PTGS2: variants seen among roughly 807,000 people sequenced by gnomAD.
PTGS2 encodes prostaglandin G/H synthase 2.
A neutral mutation model predicts 63.8 loss-of-function variants in PTGS2; 14 were observed. The ratio of observed to expected loss-of-function variants is 0.22; its 90% confidence interval spans 0.14 to 0.34. The LOEUF is 0.34. PTGS2 is among the 10% of genes least tolerant of loss of function. PTGS2 has a pLI of 1.00. For missense variants in PTGS2, 533 were observed against 738.5 expected, an observed-to-expected ratio of 0.72 and a Z score of 3.23; for synonymous variants, 271 against 259.5, an observed-to-expected ratio of 1.04 and a Z score of -0.43.
At chr1:186,678,945 C>A in intron 3 of PTGS2, 113 bp downstream of exon 3, 1 of 1,318,438 alleles carries the variant, frequency 7.6e-7, no homozygotes, top group Non-Finnish European at 1.0e-6. Flanking sequence ...TAAAAGCTAT[C>A]TTAAAGTCTT....
rs538414051 is a variant in PTGS2, at chr1:186,676,901, T to C, written c.655A>G (p.Ile219Val). 1.9e-6 allele frequency: 3 copies of C among 1,605,588 alleles called. No homozygotes were observed. Among genetic ancestry groups the C allele is most frequent in the Admixed American group, 1.7e-5 (1 of 59,388 alleles). The change falls in exon 6 of 10, where the codon ATT (isoleucine) becomes GTT (valine). Residue 219 changes from isoleucine (I) to valine (V), a missense_variant. Around this residue, in one of 5 missense-constraint regions of PTGS2, gnomAD observed 118 missense variants for 138.7 expected, o/e 0.85. Transcript: ENST00000367468. ...GLGHGVDLNH[I>V]YGETLARQRK... The stretch of plus-strand genomic sequence containing the variant: ...TGTCTAGCCAGAGTTTCACCGTAAA[T>C]ATGATTTAAGTCCACCTAGAAAATG...
chr1:186,677,529 C>A, intron 5 of PTGS2, 120 bp downstream of exon 5: 2 of 1,116,620 alleles, frequency 1.8e-6, no homozygotes, highest in Non-Finnish European at 2.4e-6. Flanking sequence ...GATAAGACTT[C>A]TTTTTAAAAA....
At chr1:186,680,163 A>T in intron 1 of PTGS2, 76 bp downstream of exon 1, 4 of 1,547,512 alleles carry the variant, frequency 2.6e-6, no homozygotes, top group Non-Finnish European at 3.5e-6. Flanking sequence ...ACTGGGATAG[A>T]CCCAGGAGGT....
chr1:186,675,367 T>C lies in PTGS2; in HGVS notation c.1287A>G (p.Ala429=), dbSNP rs762760717. The part of the protein sequence containing the change: ...RVAGGRNVPP[A]VQKVSQASID... ...TGGAAGCCTGTGATACTTTCTGTAC[T>C]GCGGGTGGAACATTCCTACCACCAG... Residue 429 remains alanine, a synonymous_variant, in exon 9 of 10, where the codon GCA becomes GCG. Coordinates refer to ENST00000367468, the MANE Select transcript of PTGS2 (RefSeq NM_000963.4). 6 of 1,613,478 alleles carry C rather than the reference T, an allele frequency of 3.7e-6. No homozygotes were observed. The East Asian group carries it at 6.7e-5, about 18-fold the overall frequency.
rs535118585 is a variant in PTGS2, at chr1:186,675,547, G to A, written c.1258-151C>T. On this transcript the variant is annotated intron_variant, in intron 8 of 9. Coordinates refer to ENST00000367468, the MANE Select transcript of PTGS2 (RefSeq NM_000963.4). ...AAAGATGCTTACCTACATTTCAACA[G>A]GAGCTCTGCTTAAAATTCAATGGGA... The A allele has an allele frequency of 1.4e-4, 127 of 917,476 alleles. No homozygotes were observed. The South Asian group carries it at 2.2e-3, about 16-fold the overall frequency. The allele number at this position is 917,476 out of a possible 1,614,324, so 56.8% of individuals were successfully genotyped here.
In PTGS2 at chr1:186,676,628, C is replaced by T. The variant is rs756699181; in HGVS notation, c.809G>A (p.Arg270Gln). ...IYPPQVPEHLRFAVGQEVFGL... is the reference protein window; with the variant it reads ...IYPPQVPEHLQFAVGQEVFGL... ...AAAGACCTCCTGCCCCACAGCAAAC[C>T]GTAGATGCTCAGGGACTTGAGGAGG... Residue 270 changes from arginine to glutamine, a missense_variant, in exon 7 of 10, where the codon CGG becomes CAG. Transcript: ENST00000367468. 2.9e-5 allele frequency: 47 copies of T among 1,613,994 alleles called. No individual in the cohort carries two copies. Among genetic ancestry groups the T allele is most frequent in the Admixed American group, 6.7e-5 (4 of 59,992 alleles).
intron 7 of PTGS2, 65 bp downstream of exon 7, chr1:186,676,402 A>C: frequency 6.4e-7 from 1 of 1,571,284 alleles, no homozygotes; most frequent in Non-Finnish European, 8.7e-7. Context: ...CTCAAAACAT[A>C]ACAAAGATAG....
chr1:186,675,365 A>G lies in PTGS2; in HGVS notation c.1289T>C (p.Val430Ala). 1.9e-6 allele frequency: 3 copies of G among 1,613,818 alleles called. No individual in the cohort carries two copies. The highest frequency in any genetic ancestry group is 2.5e-6 in the Non-Finnish European group (3 of 1,179,956). Residue 430 changes from valine (V) to alanine (A), a missense_variant, in exon 9 of 10, where the codon GTA becomes GCA. Coordinates refer to ENST00000367468, the MANE Select transcript of PTGS2 (RefSeq NM_000963.4). ...VAGGRNVPPA[V>A]QKVSQASIDQ... ...AATGGAAGCCTGTGATACTTTCTGTACTGCGGGTGGAACATTCCTACCACC... is the reference window on the plus strand; with the variant it reads ...AATGGAAGCCTGTGATACTTTCTGTGCTGCGGGTGGAACATTCCTACCACC...
chr1:186,677,151 T>A (rs1165867890), intron 5 of PTGS2, among the ~76,000 whole-genome samples: 2 of 152,082 alleles, frequency 1.3e-5, no homozygotes, highest in Non-Finnish European at 2.9e-5. Flanking sequence ...TGAGCTTATA[T>A]CATATATATT....
At chr1:186,677,876 G>A (rs1665809129) in intron 4 of PTGS2, 46 bp from the exon 5 acceptor site, 1 of 1,552,772 alleles carries the variant, frequency 6.4e-7, no homozygotes, top group Admixed American at 1.9e-5. Context: ...ATGTATTCAA[G>A]AAAGGAGATG....
At position 186,680,342 on chromosome 1, in the gene PTGS2, G is replaced by C. The variant is rs201481563; in HGVS notation, c.-52C>G. The stretch of plus-strand genomic sequence containing the variant: ...GGGGTAGGCTTTGCTGTCTGAGGGC[G>C]TCTGGCTGTGGAGCTGAAGGAGGCG... On this transcript the variant is annotated 5_prime_UTR_variant, in exon 1 of 10. Transcript: ENST00000367468. The C allele has an allele frequency of 9.2e-6, 13 of 1,414,000 alleles. No homozygotes were observed. In the South Asian group the frequency reaches 1.7e-4, roughly 19 times the overall value. The allele number at this position is 1,414,000 out of a possible 1,614,324, so 87.6% of individuals were successfully genotyped here.
chr1:186,678,329 T>C lies in PTGS2; in HGVS notation c.389A>G (p.Asn130Ser), dbSNP rs1665817271. 1 of 1,613,346 alleles carries C rather than the reference T, an allele frequency of 6.2e-7. No individual in the cohort carries two copies. Among genetic ancestry groups the C allele is most frequent in the Non-Finnish European group, 8.5e-7 (1 of 1,179,614 alleles). ...AAGGGCTCTAGTATAATAGGAGAGG[T>C]TAGAGAAGGCTTCCCAGCTTTTGTA... The part of the protein sequence containing the change: ...YGYKSWEAFS[N>S]LSYYTRALPP... The change falls in exon 4 of 10, where the codon AAC becomes AGC. Residue 130 changes from asparagine to serine, a missense_variant. Physicochemically the swap from Asn to Ser is conservative, Grantham distance 46. This residue lies in a region of PTGS2 where 11 missense variants were observed against 35.2 expected (regional missense o/e 0.31). Transcript: ENST00000367468.
At chr1:186,678,219 G>T (rs200093261) in intron 4 of PTGS2, 42 bp downstream of exon 4, 1 of 1,532,918 alleles carries the variant, frequency 6.5e-7, no homozygotes, top group African/African-American at 1.4e-5. Flanking sequence ...AATGCAGCCC[G>T]TCTTATAGTT....
At position 186,671,844 on chromosome 1, in the gene PTGS2, T is replaced by C. The variant is rs1665692894; in HGVS notation, c.*2509A>G. ...AAAAGATCTGTCAATTTTTAAATAG[T>C]ACAAAAATAAACAGACATTTATTTC... On this transcript the variant is annotated 3_prime_UTR_variant, in exon 10 of 10. Coordinates refer to ENST00000367468, the MANE Select transcript of PTGS2 (RefSeq NM_000963.4). The C allele has an allele frequency of 6.6e-6, 1 of 152,150 alleles. No individual in the cohort carries two copies. Among genetic ancestry groups the C allele is most frequent in the South Asian group, 2.1e-4 (1 of 4,832 alleles). 9.4% of individuals were successfully genotyped at this position (152,150 alleles called of 1,614,324 possible). A position where few individuals can be genotyped will look rare whatever the true frequency, so the allele number is the denominator to read the frequency against.
chr1:186,677,462 G>A lies in PTGS2; in HGVS notation c.639+187C>T, dbSNP rs11567825. ...TATATGTGTGTGCATGTCTGTGTGT[G>A]TGTATAATTTTACTAGACCAGTGAA... On this transcript the variant is annotated intron_variant, in intron 5 of 9. Transcript: ENST00000367468. 2.7e-3 allele frequency among the ~76,000 whole-genome samples: 413 copies of A among 152,278 alleles called. 4 individuals are homozygous for A. The highest frequency in any genetic ancestry group is 9.4e-3 in the African/African-American group (389 of 41,542).
At position 186,675,986 on chromosome 1, in the gene PTGS2, T is replaced by C. The variant is rs1665771958; in HGVS notation, c.1169A>G (p.Tyr390Cys). The change falls in exon 8 of 10, where the codon TAT (tyrosine) becomes TGT (cysteine). Residue 390 changes from tyrosine (Y) to cysteine (C), a missense_variant. Transcript: ENST00000367468. ...TFQIHDQKYN[Y>C]QQFIYNNSIL... ...AGAGTTGTTGTAGATAAACTGTTGA[T>C]AGTTGTATTTCTGGTCATGAATTTG... The C allele has an allele frequency of 6.2e-7, 1 of 1,613,844 alleles. No individual in the cohort carries two copies. Among genetic ancestry groups the C allele is most frequent in the African/African-American group, 1.3e-5 (1 of 74,914 alleles).
chr1:186,675,408 A>G lies in PTGS2; in HGVS notation c.1258-12T>C. 1 of 1,606,828 alleles carries G rather than the reference A, an allele frequency of 6.2e-7. No individual in the cohort carries two copies. ...CTACCACCAGCAACCTGTGGAAAGT[A>G]AAATTAGTTGTAAAACAAGAATTTT... On this transcript the variant is annotated splice_polypyrimidine_tract_variant and intron_variant, in intron 8 of 9. Coordinates refer to ENST00000367468, the MANE Select transcript of PTGS2 (RefSeq NM_000963.4).
chr1:186,677,558 G>T (rs1665802504), intron 5 of PTGS2, 91 bp downstream of exon 5: 3 of 1,243,294 alleles, frequency 2.4e-6, no homozygotes, highest in South Asian at 4.1e-5. Flanking sequence ...AAGTTATTTG[G>T]ATCTATCTAT....
Position 186,673,183 on chromosome 1 carries a change from G to A in PTGS2, c.*1170C>T, listed in dbSNP as rs200089422. 1.3e-5 allele frequency: 2 copies of A among 152,154 alleles called. No homozygotes were observed. Among genetic ancestry groups the A allele is most frequent in the Non-Finnish European group, 2.9e-5 (2 of 67,992 alleles). 9.4% of individuals were successfully genotyped at this position (152,154 alleles called of 1,614,324 possible). The stretch of plus-strand genomic sequence containing the variant: ...TTCAAGACTGAGATAAAATTAATGT[G>A]TGAAATGAATTTAAGCATTTTGAAG... On this transcript the variant is annotated 3_prime_UTR_variant, in exon 10 of 10. Coordinates refer to ENST00000367468, the MANE Select transcript of PTGS2 (RefSeq NM_000963.4).
Sources: gnomAD v4.1 joint callset for allele counts (sites outside exome capture counted in the v4.1 genomes callset) on GRCh38, gnomAD v4.1.1 for gene constraint, gnomAD v4.1.1 regional missense constraint, MANE v1.5 for transcripts, NCBI Gene and HGNC (gene_info 2026-07-23, HGNC 2026-07-21) for gene names.